Variants in MECOM observed in about 807,000 individuals in gnomAD.
MECOM encodes the protein MDS1 and EVI1 complex locus, also known as histone-lysine N-methyltransferase MECOM.
A neutral mutation model predicts 116.3 loss-of-function variants in MECOM; 13 were observed. The ratio of observed to expected loss-of-function variants is 0.11; its 90% CI spans 0.07 to 0.18. The LOEUF is 0.18. Among genes scored for constraint, MECOM ranks in the 10% least tolerant of loss-of-function variants. The pLI is 1.00. For synonymous variants in MECOM, 528 were observed against 535.2 expected (o/e 0.99, Z 0.19); for missense variants, 1,299 against 1,509.0 (o/e 0.86, Z 2.31).
chr3:169,347,800 A>G (rs1725623711), intron 2 of MECOM, among the ~76,000 whole-genome samples: 2 of 152,040 alleles, frequency 1.3e-5, no homozygotes, highest in East Asian at 1.9e-4. Flanking sequence ...GAGCTCAGGG[A>G]ATGGATTTGT....
intron 1 of MECOM, among the ~76,000 whole-genome samples, chr3:169,504,484 G>A (rs1528292): frequency 0.17 from 25,420 of 151,874 alleles, 2,292 homozygotes; most frequent in East Asian, 0.33. Flanking sequence ...GAAAGTTTAC[G>A]TAATGGTTAT....
intron 1 of MECOM, among the ~76,000 whole-genome samples, chr3:169,552,497 G>A (rs939357069): frequency 2.0e-5 from 3 of 152,070 alleles, no homozygotes; most frequent in Non-Finnish European, 4.4e-5. Flanking sequence ...TCCTAAAAGA[G>A]TTAAAAGAAC....
At chr3:169,554,682 C>A (rs1761828060) in intron 1 of MECOM, among the ~76,000 whole-genome samples, 1 of 152,166 alleles carries the variant, frequency 6.6e-6, no homozygotes, top group East Asian at 1.9e-4. Flanking sequence ...ATAGTTTCAA[C>A]CTCACAAAAA....
chr3:169,175,623 A>G (rs1470487774), intron 2 of MECOM, among the ~76,000 whole-genome samples: 1 of 152,168 alleles, frequency 6.6e-6, no homozygotes, highest in Non-Finnish European at 1.5e-5. Flanking sequence ...CCCATTTACA[A>G]CTGAAGAAAC....
rs564493276 is a variant in MECOM at position 169,638,182 on chromosome 3, G to A, written c.37+25154C>T. Among the ~76,000 whole-genome samples the A allele has an allele frequency of 1.8e-4, 28 of 152,230 alleles. No homozygotes were observed. In the South Asian group the frequency reaches 5.4e-3, roughly 29 times the overall value. ...CCATTGACTTGCCTACACACTCAGAGCACTTTAAAGTCTTCCCCTAGCATT... is the reference window on the plus strand; with the variant it reads ...CCATTGACTTGCCTACACACTCAGAACACTTTAAAGTCTTCCCCTAGCATT... On this transcript the variant is annotated intron_variant, in intron 1 of 16. Transcript: ENST00000651503.
At chr3:169,149,646 C>T (rs749274599) in intron 2 of MECOM, 1 of 503,920 alleles carries the variant, frequency 2.0e-6, no homozygotes, top group African/African-American at 1.9e-5. Flanking sequence ...ACACTGCAGT[C>T]CAGGCATGTA....
At chr3:169,286,490 T>C (rs759977791) in intron 2 of MECOM, among the ~76,000 whole-genome samples, 11 of 152,184 alleles carry the variant, frequency 7.2e-5, no homozygotes, top group Admixed American at 1.3e-4. Context: ...CATGTACTAA[T>C]GGTTGGTTTA....
intron 2 of MECOM, among the ~76,000 whole-genome samples, chr3:169,321,370 T>A (rs563789387): frequency 3.3e-5 from 5 of 151,936 alleles, no homozygotes; most frequent in Non-Finnish European, 7.4e-5. Context: ...TGAAACCCAG[T>A]CTCTACTATA....
chr3:169,526,977 G>T (rs1347269284), intron 1 of MECOM, among the ~76,000 whole-genome samples: 1 of 152,142 alleles, frequency 6.6e-6, no homozygotes, highest in African/African-American at 2.4e-5. Flanking sequence ...AAGAAAACTG[G>T]TTCTGTATTT....
At chr3:169,216,438 C>CA (rs2149486751) in intron 2 of MECOM, among the ~76,000 whole-genome samples, 1 of 152,136 alleles carries the variant, frequency 6.6e-6, no homozygotes, top group South Asian at 2.1e-4. Context: ...GAAACCTTCC[C>CA]AAATCTCTGA....
chr3:169,379,086 GGGTGAGAT>G (rs1375934882), intron 2 of MECOM, among the ~76,000 whole-genome samples: 1 of 151,762 alleles, frequency 6.6e-6, no homozygotes, highest in African/African-American at 2.4e-5. Context: ...GGCAGGGGTT[GGGTGAGAT>G]GCCTTTGAGA....
chr3:169,151,280 T>C (rs1460782664), intron 2 of MECOM, among the ~76,000 whole-genome samples: 1 of 152,186 alleles, frequency 6.6e-6, no homozygotes, highest in Non-Finnish European at 1.5e-5. Context: ...ACTGTAACAC[T>C]CTGCAGAGGA....
At chr3:169,291,237 C>A (rs1270278085) in intron 2 of MECOM, among the ~76,000 whole-genome samples, 1 of 152,114 alleles carries the variant, frequency 6.6e-6, no homozygotes, top group Non-Finnish European at 1.5e-5. Flanking sequence ...TTCATTTCCC[C>A]CACTTGAATA....
chr3:169,320,451 G>T (rs559421305), intron 2 of MECOM, among the ~76,000 whole-genome samples: 1 of 152,312 alleles, frequency 6.6e-6, no homozygotes, highest in Admixed American at 6.5e-5. Context: ...AGGGATCTGA[G>T]TAGAGGTATA....
At chr3:169,291,255 C>A (rs1714502378) in intron 2 of MECOM, among the ~76,000 whole-genome samples, 1 of 152,138 alleles carries the variant, frequency 6.6e-6, no homozygotes, top group Admixed American at 6.5e-5. Flanking sequence ...ATAAGCCCAG[C>A]TCCCTAGGGC....
chr3:169,485,873 ATG>A (rs1752088544), intron 1 of MECOM, among the ~76,000 whole-genome samples: 1 of 86,742 alleles, frequency 1.2e-5, no homozygotes, highest in South Asian at 4.0e-4. Flanking sequence ...TATAGTATAT[ATG>A]TATATATATG....
intron 2 of MECOM, among the ~76,000 whole-genome samples, chr3:169,225,021 T>C (rs1464456858): frequency 6.6e-6 from 1 of 152,208 alleles, no homozygotes; most frequent in Non-Finnish European, 1.5e-5. Flanking sequence ...TTTCTCATAC[T>C]TAAATATTTA....
chr3:169,208,602 T>G (rs1430565436), intron 2 of MECOM, among the ~76,000 whole-genome samples: 1 of 151,890 alleles, frequency 6.6e-6, no homozygotes, highest in African/African-American at 2.4e-5. Context: ...CCTTATATGT[T>G]AAAGTAAGGA....
At chr3:169,145,691 C>G (rs1484419661) in intron 2 of MECOM, 1 of 223,256 alleles carries the variant, frequency 4.5e-6, no homozygotes, top group African/African-American at 2.2e-5. Flanking sequence ...AGTCAAGAAG[C>G]ATCCATCCCC....
Sources: gnomAD v4.1 joint callset for allele counts (sites outside exome capture counted in the v4.1 genomes callset) on GRCh38, gnomAD v4.1.1 for gene constraint, MANE v1.5 for transcripts, NCBI Gene and HGNC (gene_info 2026-07-23, HGNC 2026-07-21) for gene names.